The following INSL6 variants were observed in gnomAD, a reference collection of about 807,000 sequenced individuals.
INSL6 encodes insulin like 6.
INSL6 carries 16 observed loss-of-function variants against 9.4 expected under a neutral mutation model. The observed-to-expected ratio is 1.70, with a 90% CI of 1.15 to 2.59. The LOEUF is 2.59. Among genes scored for constraint, INSL6 ranks in the 30% most tolerant of loss-of-function variants. INSL6 has a pLI of 0.00. For missense variants in INSL6, 391 were observed against 257.3 expected (o/e 1.52, Z -3.56); for synonymous variants, 154 against 96.9 (o/e 1.59, Z -3.46).
At chr9:5,052,094 G>C in the INSL6 span, among the ~76,000 whole-genome samples, 1 of 152,204 alleles carries the variant, frequency 6.6e-6, no homozygotes, top group African/African-American at 2.4e-5. Flanking sequence ...AAGGAATTCA[G>C]GGGAACACAG....
the INSL6 span, chr9:5,091,656 G>A: frequency 4.6e-5 from 7 of 152,124 alleles, no homozygotes; most frequent in African/African-American, 1.7e-4. Flanking sequence ...TACAGTAATG[G>A]AGGCTGAAGT....
chr9:5,077,739 T>TAA, the INSL6 span, among the ~76,000 whole-genome samples: 11 of 152,248 alleles, frequency 7.2e-5, no homozygotes, highest in Non-Finnish European at 1.3e-4. Flanking sequence ...TTTAGGCATA[T>TAA]GTTTATGTAT....
chr9:5,173,175 T>C (rs1825220088), intron 1 of INSL6, among the ~76,000 whole-genome samples: 2 of 152,166 alleles, frequency 1.3e-5, no homozygotes, highest in Admixed American at 1.3e-4. Context: ...GGTGGGAATG[T>C]AAATTAGTTC....
the INSL6 span, among the ~76,000 whole-genome samples, chr9:5,010,412 C>T: frequency 5.3e-5 from 8 of 152,046 alleles, no homozygotes; most frequent in South Asian, 2.1e-4. Flanking sequence ...CCTCTGCCTT[C>T]GGGGTTCAAG....
the INSL6 span, among the ~76,000 whole-genome samples, chr9:5,061,172 G>A: frequency 8.5e-5 from 13 of 152,178 alleles, no homozygotes; most frequent in African/African-American, 1.4e-4. Context: ...AGCATAATTC[G>A]CAGAGCCCTG....
At chr9:5,130,724 T>A (rs1463504132) in intron 3 of INSL6, among the ~76,000 whole-genome samples, 3 of 151,284 alleles carry the variant, frequency 2.0e-5, no homozygotes, top group African/African-American at 7.3e-5. Flanking sequence ...TTTTTATTTT[T>A]TATTTTTTTT....
the INSL6 span, among the ~76,000 whole-genome samples, chr9:5,088,173 A>T: frequency 6.6e-6 from 1 of 152,126 alleles, no homozygotes; most frequent in Non-Finnish European, 1.5e-5. Context: ...GGTCACAGAG[A>T]GAGCAAGTTG....
chr9:5,071,090 G>A, the INSL6 span, among the ~76,000 whole-genome samples: 1 of 152,278 alleles, frequency 6.6e-6, no homozygotes, highest in East Asian at 1.9e-4. Flanking sequence ...GTCATCATAA[G>A]CTTTGGAATT....
chr9:5,067,685 T>C, the INSL6 span, among the ~76,000 whole-genome samples: 1 of 152,050 alleles, frequency 6.6e-6, no homozygotes, highest in African/African-American at 2.4e-5. Flanking sequence ...GTTCACTGTA[T>C]GTGCCAAGCC....
intron 1 of INSL6, among the ~76,000 whole-genome samples, chr9:5,167,085 T>C (rs896422780): frequency 2.6e-5 from 4 of 150,998 alleles, no homozygotes; most frequent in Non-Finnish European, 5.9e-5. Context: ...GACTAGGAGG[T>C]TGGCGTGACT....
chr9:5,159,153 A>G (rs1354700939), downstream of INSL6, among the ~76,000 whole-genome samples: 2 of 152,180 alleles, frequency 1.3e-5, no homozygotes, highest in African/African-American at 2.4e-5. Flanking sequence ...TACACAAAAA[A>G]TCAAAAAGCA....
chr9:5,037,695 G>T, the INSL6 span, among the ~76,000 whole-genome samples: 1 of 152,112 alleles, frequency 6.6e-6, no homozygotes, highest in South Asian at 2.1e-4. Flanking sequence ...ATCACATACC[G>T]GGGCCTGTTC....
At chr9:5,153,371 T>C (rs990499309) in intron 2 of INSL6, among the ~76,000 whole-genome samples, 2 of 152,264 alleles carry the variant, frequency 1.3e-5, no homozygotes, top group Admixed American at 6.5e-5. Context: ...GCATCCGCCA[T>C]TGCTGAGGCT....
chr9:5,158,051 C>T (rs920914528), intron 2 of INSL6, among the ~76,000 whole-genome samples: 1 of 152,074 alleles, frequency 6.6e-6, no homozygotes, highest in Non-Finnish European at 1.5e-5. Context: ...ATGCAGTTGA[C>T]ATACTGAAGA....
the INSL6 span, among the ~76,000 whole-genome samples, chr9:5,061,074 A>C: frequency 6.6e-6 from 1 of 152,188 alleles, no homozygotes; most frequent in Non-Finnish European, 1.5e-5. Flanking sequence ...ATGGGCTTAA[A>C]ATAGTCAGTA....
the INSL6 span, among the ~76,000 whole-genome samples, chr9:5,092,521 G>A: frequency 2.0e-5 from 3 of 151,922 alleles, no homozygotes; most frequent in Non-Finnish European, 2.9e-5. Flanking sequence ...TTAAACCATC[G>A]TAATCAAACC....
chr9:5,107,430 C>T, the INSL6 span, among the ~76,000 whole-genome samples: 1 of 152,104 alleles, frequency 6.6e-6, no homozygotes, highest in Non-Finnish European at 1.5e-5. Context: ...ACTTAGAAAT[C>T]GCTCTAATAC....
At chr9:5,090,668 A>G in the INSL6 span, 1 of 1,523,750 alleles carries the variant, frequency 6.6e-7, no homozygotes, top group Non-Finnish European at 8.8e-7. Context: ...TAAAGGGAAT[A>G]TATAGGGTTA....
intron 1 of INSL6, among the ~76,000 whole-genome samples, chr9:5,180,299 C>A (rs2130921652): frequency 6.6e-6 from 1 of 152,144 alleles, no homozygotes; most frequent in African/African-American, 2.4e-5. Flanking sequence ...TGTGTTTGAA[C>A]AATATGAAAT....
Sources: gnomAD v4.1 joint callset for allele counts (sites outside exome capture counted in the v4.1 genomes callset) on GRCh38, gnomAD v4.1.1 for gene constraint, MANE v1.5 for transcripts, NCBI Gene and HGNC (gene_info 2026-07-23, HGNC 2026-07-21) for gene names.